The following PAG1 variants were observed in gnomAD, a reference collection of about 807,000 sequenced individuals.
The protein encoded by PAG1 is phosphoprotein associated with glycosphingolipid-enriched microdomains 1.
PAG1 carries 23 observed loss-of-function variants against 31.7 expected under a neutral mutation model. The observed-to-expected ratio is 0.73, with a 90% confidence interval of 0.52 to 1.03. The LOEUF is 1.03. Ranked by LOEUF, PAG1 falls within the 50% of genes least tolerant of loss-of-function variation. The probability of loss-of-function intolerance (pLI) is 0.00; values close to 1 mark genes in which losing one functional copy is unlikely to be tolerated. For missense variants in PAG1, 473 were observed against 540.7 expected, an observed-to-expected ratio of 0.87 and a Z score of 1.24; for synonymous variants, 214 against 210.3, an observed-to-expected ratio of 1.02 and a Z score of -0.15.
chr8:80,984,312 G>T (rs1807368985), intron 7 of PAG1, among the ~76,000 whole-genome samples: 3 of 152,148 alleles, frequency 2.0e-5, no homozygotes, highest in Admixed American at 2.0e-4. Flanking sequence ...TTATATGAAG[G>T]TTTGTACAAT....
At chr8:81,071,863 C>T (rs559472845) in intron 1 of PAG1, among the ~76,000 whole-genome samples, 7 of 152,276 alleles carry the variant, frequency 4.6e-5, no homozygotes, top group African/African-American at 1.7e-4. Flanking sequence ...TTCTCCACAG[C>T]CCTTGTGACA....
chr8:81,052,797 CT>C (rs1293354979), intron 2 of PAG1, among the ~76,000 whole-genome samples: 1 of 152,166 alleles, frequency 6.6e-6, no homozygotes, highest in African/African-American at 2.4e-5. Context: ...ATTATCTCTG[CT>C]TTTGACTTAA....
At chr8:81,061,136 G>C (rs1382952378) in intron 2 of PAG1, among the ~76,000 whole-genome samples, 1 of 152,174 alleles carries the variant, frequency 6.6e-6, no homozygotes, top group Non-Finnish European at 1.5e-5. Context: ...AGGCTACTGG[G>C]CTGGAAGTCG....
intron 1 of PAG1, among the ~76,000 whole-genome samples, chr8:81,088,167 C>T (rs1809390090): frequency 6.6e-6 from 1 of 152,174 alleles, no homozygotes; most frequent in Non-Finnish European, 1.5e-5. Context: ...GGATTTGAAG[C>T]AGCCTGAGTA....
rs527846371 is a variant in PAG1, at chr8:80,996,754, C to T, written c.-80-3447G>A. ...GACCCTCATGTGTCGGTTTAACTGC[C>T]CTTAAATGCAGTGCTTGGGGGTCCT... On this transcript the variant is annotated intron_variant, in intron 3 of 8. Transcript: ENST00000220597. 1.1e-3 allele frequency among the ~76,000 whole-genome samples: 164 copies of T among 152,140 alleles called. 1 individual carries two copies. Among genetic ancestry groups the T allele is most frequent in the Non-Finnish European group, 1.6e-3 (107 of 68,028 alleles).
At chr8:81,089,494 G>A (rs13282216) in intron 1 of PAG1, among the ~76,000 whole-genome samples, 75,774 of 151,822 alleles carry the variant, frequency 0.5, 19,415 homozygotes, top group East Asian at 0.66. Flanking sequence ...CGTGAACCCA[G>A]GAGGTGGAGC....
intron 2 of PAG1, among the ~76,000 whole-genome samples, chr8:81,039,100 T>C (rs1382659519): frequency 6.6e-6 from 1 of 152,038 alleles, no homozygotes; most frequent in African/African-American, 2.4e-5. Flanking sequence ...CTAATAAGAG[T>C]CCATGTTCAC....
intron 2 of PAG1, among the ~76,000 whole-genome samples, chr8:81,069,898 G>A (rs557403210): frequency 3.3e-5 from 5 of 152,286 alleles, no homozygotes; most frequent in South Asian, 2.1e-4. Flanking sequence ...ACCCATTGGC[G>A]TCTTGGTTTC....
intron 2 of PAG1, among the ~76,000 whole-genome samples, chr8:81,061,342 C>G (rs1234412406): frequency 2.6e-5 from 4 of 152,188 alleles, no homozygotes; most frequent in African/African-American, 9.7e-5. Context: ...ACACATTTCT[C>G]TCTCAAAACC....
At chr8:81,082,965 G>A (rs1428662719) in intron 1 of PAG1, among the ~76,000 whole-genome samples, 1 of 147,606 alleles carries the variant, frequency 6.8e-6, no homozygotes, top group East Asian at 1.9e-4. Context: ...TATCACAAGT[G>A]ATTTTTTTTT....
chr8:80,978,594 C>T (rs1268633775), intron 8 of PAG1, among the ~76,000 whole-genome samples: 2 of 152,152 alleles, frequency 1.3e-5, no homozygotes, highest in Non-Finnish European at 2.9e-5. Context: ...AGCTTTCTTC[C>T]CCCTGGTCTT....
chr8:81,080,959 T>C (rs1023940604), intron 1 of PAG1, among the ~76,000 whole-genome samples: 4 of 152,212 alleles, frequency 2.6e-5, no homozygotes, highest in Admixed American at 1.3e-4. Context: ...TGGATACTAA[T>C]AGCCTATGCA....
rs1807160919 is a variant in PAG1, at chr8:80,975,530, A to G, written c.*1014T>C. ...TTTTAATCTTAGATTACCTTAGGGTAGCAGTTAACTTATGAGATGCCACAC... is the reference window on the plus strand; with the variant it reads ...TTTTAATCTTAGATTACCTTAGGGTGGCAGTTAACTTATGAGATGCCACAC... On this transcript the variant is annotated 3_prime_UTR_variant, in exon 9 of 9. Coordinates refer to ENST00000220597, the MANE Select transcript of PAG1 (RefSeq NM_018440.4). 6.6e-6 allele frequency: 1 copy of G among 152,238 alleles called. No homozygotes were observed. 9.4% of individuals were successfully genotyped at this position (152,238 alleles called of 1,614,324 possible).
intron 1 of PAG1, among the ~76,000 whole-genome samples, chr8:81,080,977 C>T (rs891307862): frequency 6.6e-6 from 1 of 151,990 alleles, no homozygotes; most frequent in Admixed American, 6.6e-5. Context: ...GCAGATAGGC[C>T]AAAGAGTATA....
chr8:81,074,293 G>T (rs768906769), intron 1 of PAG1, among the ~76,000 whole-genome samples: 1 of 152,166 alleles, frequency 6.6e-6, no homozygotes, highest in Admixed American at 6.5e-5. Flanking sequence ...GCTGTGTTAC[G>T]CAGGGTTGGG....
At chr8:81,091,351 A>C in intron 1 of PAG1, among the ~76,000 whole-genome samples, 1 of 152,166 alleles carries the variant, frequency 6.6e-6, no homozygotes, top group East Asian at 1.9e-4. Context: ...ACTAAACACA[A>C]TTCTTTTCTC....
intron 2 of PAG1, among the ~76,000 whole-genome samples, chr8:81,038,410 C>A (rs184686009): frequency 4.8e-4 from 73 of 152,254 alleles, no homozygotes; most frequent in African/African-American, 1.7e-3. Flanking sequence ...TTTGTGTTGA[C>A]CTGAGGCAAT....
At position 80,976,532 on chromosome 8, in the gene PAG1, T is replaced by C; in HGVS notation, c.*12A>G. ...ACTGATCACAGGCTACCCAGGGTTG[T>C]CTTCTGGGTTGCTAGAGCCTGGTAA... On this transcript the variant is annotated 3_prime_UTR_variant, in exon 9 of 9. Transcript: ENST00000220597. 2.5e-6 allele frequency: 4 copies of C among 1,598,282 alleles called. No homozygotes were observed. The East Asian group carries it at 8.9e-5, about 36-fold the overall frequency.
chr8:81,034,158 T>G (rs774348543), intron 2 of PAG1, among the ~76,000 whole-genome samples: 1 of 152,262 alleles, frequency 6.6e-6, no homozygotes, highest in Non-Finnish European at 1.5e-5. Context: ...CACTTGATAC[T>G]TGAATCCTTT....
Sources: gnomAD v4.1 joint callset for allele counts (sites outside exome capture counted in the v4.1 genomes callset) on GRCh38, gnomAD v4.1.1 for gene constraint, MANE v1.5 for transcripts, NCBI Gene and HGNC (gene_info 2026-07-23, HGNC 2026-07-21) for gene names.